The following PTPN4 variants were observed in gnomAD, a reference collection of about 807,000 sequenced individuals.
PTPN4 encodes the protein tyrosine-protein phosphatase non-receptor type 4.
A neutral mutation model predicts 135.5 loss-of-function variants in PTPN4; 49 were observed. The ratio of observed to expected loss-of-function variants is 0.36; its 90% confidence interval spans 0.29 to 0.46. The LOEUF is 0.46. PTPN4 is among the 20% of genes least tolerant of loss of function. PTPN4 has a pLI of 1.00. For missense variants in PTPN4, 860 were observed against 1,101.0 expected, an observed-to-expected ratio of 0.78 and a Z score of 3.10; for synonymous variants, 333 against 369.9, an observed-to-expected ratio of 0.90 and a Z score of 1.14.
At chr2:119,926,778 G>T (rs1164187661) in intron 13 of PTPN4, 112 bp downstream of exon 13, 5 of 759,142 alleles carry the variant, frequency 6.6e-6, no homozygotes, top group Admixed American at 2.7e-5. Context: ...TCAAATTTTT[G>T]ATTACAGAAT....
intron 1 of PTPN4, among the ~76,000 whole-genome samples, chr2:119,785,784 A>G (rs1050113572): frequency 6.6e-6 from 1 of 152,092 alleles, no homozygotes; most frequent in African/African-American, 2.4e-5. Context: ...ACGTGTGAGC[A>G]ATCAGAGCTT....
intron 2 of PTPN4, among the ~76,000 whole-genome samples, chr2:119,852,846 T>TTTTTGTTTTG (rs373301209): frequency 6.6e-6 from 1 of 152,078 alleles, no homozygotes; most frequent in Non-Finnish European, 1.5e-5. Flanking sequence ...TCAGTGGTTT[T>TTTTTGTTTTG]TTTTGTTTTG....
intron 15 of PTPN4, among the ~76,000 whole-genome samples, chr2:119,940,586 G>A (rs1679046546): frequency 1.3e-5 from 2 of 152,062 alleles, no homozygotes. Flanking sequence ...ATCCTGAGTA[G>A]CTGGGACTAC....
At chr2:119,882,701 G>T in intron 8 of PTPN4, 78 bp downstream of exon 8, 2 of 1,182,426 alleles carry the variant, frequency 1.7e-6, no homozygotes, top group Admixed American at 3.1e-5. Flanking sequence ...ATTCTAATAT[G>T]ATGGCTGTAT....
chr2:119,955,449 A>G (rs1679266199), intron 20 of PTPN4, 126 bp downstream of exon 20: 2 of 857,198 alleles, frequency 2.3e-6, no homozygotes, highest in Non-Finnish European at 3.1e-6. Flanking sequence ...GAAATGTTTG[A>G]CATAAAGAGT....
rs1214808643 is a variant in PTPN4, at chr2:119,862,219, C to A, written c.139-317C>A. Among the ~76,000 whole-genome samples, 4 of 152,180 alleles carry A rather than the reference C, an allele frequency of 2.6e-5. No individual in the cohort carries two copies. The East Asian group carries it at 7.7e-4, about 29-fold the overall frequency. ...TTATATGCTCTTTAAACCAGTTTGC[C>A]TAAGGTCAGGTTGTTTTCTAAAAGT... On this transcript the variant is annotated intron_variant, in intron 2 of 26. Transcript: ENST00000263708.
At chr2:119,863,713 A>G (rs1456035491) in intron 3 of PTPN4, among the ~76,000 whole-genome samples, 1 of 152,152 alleles carries the variant, frequency 6.6e-6, no homozygotes, top group Non-Finnish European at 1.5e-5. Context: ...ATGGAAAAAT[A>G]CGAGGATGAC....
chr2:119,944,853 G>C (rs1479543319), intron 15 of PTPN4, among the ~76,000 whole-genome samples: 1 of 151,888 alleles, frequency 6.6e-6, no homozygotes, highest in Admixed American at 6.6e-5. Flanking sequence ...ATCTTCACAG[G>C]AATACCTTGA....
intron 25 of PTPN4, 69 bp from the exon 26 acceptor site, chr2:119,967,768 T>G: frequency 7.7e-7 from 1 of 1,292,510 alleles, no homozygotes; most frequent in Non-Finnish European, 1.0e-6. Flanking sequence ...TTCAGTTTTA[T>G]GCACAAAAGC....
At chr2:119,887,866 T>A (rs1353450515) in intron 9 of PTPN4, among the ~76,000 whole-genome samples, 1 of 152,182 alleles carries the variant, frequency 6.6e-6, no homozygotes, top group Non-Finnish European at 1.5e-5. Flanking sequence ...CTTTTTTGTT[T>A]CTATATTAAT....
chr2:119,865,572 G>A (rs1045988521), intron 3 of PTPN4, among the ~76,000 whole-genome samples: 1 of 151,994 alleles, frequency 6.6e-6, no homozygotes, highest in Non-Finnish European at 1.5e-5. Context: ...TGATGATATA[G>A]ATGCATAGGA....
At chr2:119,795,299 G>A (rs1247981989) in intron 1 of PTPN4, among the ~76,000 whole-genome samples, 1 of 152,240 alleles carries the variant, frequency 6.6e-6, no homozygotes, top group Non-Finnish European at 1.5e-5. Context: ...TGGCTTGAAG[G>A]TGGGGCTTTA....
chr2:119,815,869 A>G (rs1431196141), intron 2 of PTPN4, among the ~76,000 whole-genome samples: 1 of 152,220 alleles, frequency 6.6e-6, no homozygotes, highest in African/African-American at 2.4e-5. Context: ...TATAATGCAC[A>G]AAACAGTGCA....
At chr2:119,866,896 G>T (rs1369932481) in intron 3 of PTPN4, among the ~76,000 whole-genome samples, 3 of 152,044 alleles carry the variant, frequency 2.0e-5, no homozygotes, top group Non-Finnish European at 4.4e-5. Context: ...TTATTTGCCT[G>T]TTGTGTAATC....
chr2:119,798,964 A>G (rs1007224671), intron 1 of PTPN4, among the ~76,000 whole-genome samples: 8 of 152,144 alleles, frequency 5.3e-5, no homozygotes, highest in Non-Finnish European at 7.4e-5. Flanking sequence ...TATCGTTATG[A>G]TTGCTTTATC....
Position 119,832,320 on chromosome 2 carries a change from T to G in PTPN4, c.138+22329T>G, listed in dbSNP as rs919221998. ...ATTTATCTGGCAATTTTATTGTATT[T>G]GAGAGGAGTTTTCCATAATACGTTA... On this transcript the variant is annotated intron_variant, in intron 2 of 26. Coordinates refer to ENST00000263708, the MANE Select transcript of PTPN4 (RefSeq NM_002830.4). 2.0e-5 allele frequency among the ~76,000 whole-genome samples: 3 copies of G among 152,284 alleles called. No individual in the cohort carries two copies. In the South Asian group the frequency reaches 6.2e-4, roughly 32 times the overall value.
intron 3 of PTPN4, among the ~76,000 whole-genome samples, chr2:119,873,945 A>G (rs999793946): frequency 2.0e-5 from 3 of 152,120 alleles, no homozygotes; most frequent in Non-Finnish European, 4.4e-5. Flanking sequence ...AAGCAGTTCC[A>G]CTCCCAGATA....
At chr2:119,767,429 T>C (rs1299953942) in intron 1 of PTPN4, among the ~76,000 whole-genome samples, 2 of 152,158 alleles carry the variant, frequency 1.3e-5, no homozygotes, top group African/African-American at 4.8e-5. Flanking sequence ...AACAGGACAA[T>C]CTCCTACATA....
At chr2:119,827,013 G>A (rs944119938) in intron 2 of PTPN4, among the ~76,000 whole-genome samples, 8 of 152,206 alleles carry the variant, frequency 5.3e-5, no homozygotes, top group African/African-American at 1.7e-4. Context: ...GGACAACAGA[G>A]TGAGACCCTA....
Sources: allele counts gnomAD v4.1 joint callset (sites outside exome capture counted in the v4.1 genomes callset), GRCh38; gene constraint gnomAD v4.1.1; transcripts MANE v1.5; gene names NCBI Gene and HGNC (gene_info 2026-07-23, HGNC 2026-07-21).